CEP128: variants seen among roughly 807,000 people sequenced by gnomAD.
The protein encoded by CEP128 is centrosomal protein 128kDa.
A neutral mutation model predicts 156.7 loss-of-function variants in CEP128; 132 were observed. That is an observed-to-expected ratio of 0.84 (90% CI 0.73 to 0.97). CEP128 has a LOEUF of 0.97. Among genes scored for constraint, CEP128 ranks in the 50% least tolerant of loss-of-function variants. The pLI is 0.00. For missense variants in CEP128, 1,252 were observed against 1,281.9 expected (o/e 0.98, Z 0.36); for synonymous variants, 469 against 448.9 (o/e 1.04, Z -0.57).
At chr14:80,827,187 A>G (rs927585432) in intron 13 of CEP128, among the ~76,000 whole-genome samples, 3 of 152,244 alleles carry the variant, frequency 2.0e-5, no homozygotes, top group Non-Finnish European at 4.4e-5. Context: ...TCTTCCAGAA[A>G]TGGATGTGCT....
At chr14:80,736,270 A>AC (rs1555396667) in intron 19 of CEP128, among the ~76,000 whole-genome samples, 4,851 of 150,918 alleles carry the variant, frequency 0.032, 254 homozygotes, top group African/African-American at 0.11. Context: ...AAAAAAAAAA[A>AC]CACAGCAAAT....
intron 6 of CEP128, among the ~76,000 whole-genome samples, chr14:80,902,682 T>G (rs1223576051): frequency 6.6e-6 from 1 of 152,148 alleles, no homozygotes; most frequent in South Asian, 2.1e-4. Context: ...AAATCTTTAG[T>G]GAATAAAGTA....
rs551205496 is a variant in CEP128, at chr14:80,638,348, C to T, written c.2807-57925G>A. 2.6e-5 allele frequency among the ~76,000 whole-genome samples: 4 copies of T among 152,126 alleles called. No homozygotes were observed. In the South Asian group the frequency reaches 8.3e-4, roughly 32 times the overall value. ...ATTTTGCAATCTGGGACTTGTAAAC[C>T]CACTGGTATATTTTTCTTATTATCC... On this transcript the variant is annotated intron_variant, in intron 19 of 24. Coordinates refer to ENST00000555265, the MANE Select transcript of CEP128 (RefSeq NM_152446.5).
At chr14:80,848,709 T>G (rs1372883414) in intron 9 of CEP128, among the ~76,000 whole-genome samples, 1 of 145,284 alleles carries the variant, frequency 6.9e-6, no homozygotes, top group African/African-American at 2.5e-5. Context: ...AGAAAGAAAA[T>G]TAGGGTGAGA....
At chr14:80,582,038 T>C (rs1273289338) in intron 19 of CEP128, among the ~76,000 whole-genome samples, 2 of 152,210 alleles carry the variant, frequency 1.3e-5, no homozygotes, top group Non-Finnish European at 1.5e-5. Flanking sequence ...GTCACTGACA[T>C]CTGAATAGGC....
At chr14:80,790,586 T>C (rs562019828) in intron 14 of CEP128, among the ~76,000 whole-genome samples, 82 of 152,072 alleles carry the variant, frequency 5.4e-4, no homozygotes, top group Middle Eastern at 6.8e-3. Flanking sequence ...GTTTTTTTTT[T>C]CCCCTGCAGT....
chr14:80,948,189 A>G (rs1300308542), intron 2 of CEP128, among the ~76,000 whole-genome samples: 2 of 152,254 alleles, frequency 1.3e-5, no homozygotes, highest in Non-Finnish European at 2.9e-5. Context: ...GAAAACAATC[A>G]TAAATGGTTG....
Position 80,536,506 on chromosome 14 carries a change from T to TA in CEP128, c.2881-5621dup, listed in dbSNP as rs570265902. On this transcript the variant is annotated intron_variant, in intron 21 of 24. Coordinates refer to ENST00000555265, the MANE Select transcript of CEP128 (RefSeq NM_152446.5). ...TTATTTGGGTTCAAAAATGCAATTC[T>TA]ATTTCATTTGGAAACAGATCCACTG... 7.7e-3 allele frequency among the ~76,000 whole-genome samples: 1,171 copies of TA among 152,344 alleles called. 9 individuals carry two copies. The highest frequency in any genetic ancestry group is 0.011 in the Non-Finnish European group (778 of 68,032).
chr14:80,591,786 T>C (rs1197567631), intron 19 of CEP128, among the ~76,000 whole-genome samples: 2 of 151,920 alleles, frequency 1.3e-5, no homozygotes, highest in Non-Finnish European at 2.9e-5. Context: ...TGCAAAATAA[T>C]GGAAATCATA....
intron 19 of CEP128, among the ~76,000 whole-genome samples, chr14:80,597,660 G>T (rs1003486430): frequency 6.7e-6 from 1 of 150,156 alleles, no homozygotes; most frequent in Admixed American, 6.6e-5. Flanking sequence ...AAAAAAAACC[G>T]CAGCTTTCTC....
At chr14:80,489,800 T>C (rs1203854121), downstream of CEP128, among the ~76,000 whole-genome samples, 3 of 151,802 alleles carry the variant, frequency 2.0e-5, no homozygotes, top group East Asian at 3.9e-4. Context: ...AAAAAGACAA[T>C]TGTTTAGGAG....
At chr14:80,915,140 T>C (rs1171536135) in intron 3 of CEP128, among the ~76,000 whole-genome samples, 1 of 152,116 alleles carries the variant, frequency 6.6e-6, no homozygotes, top group Non-Finnish European at 1.5e-5. Flanking sequence ...CAGCCTCAGC[T>C]TCCTGGGCTC....
intron 19 of CEP128, among the ~76,000 whole-genome samples, chr14:80,646,839 C>T (rs1243395283): frequency 1.3e-5 from 2 of 151,252 alleles, no homozygotes; most frequent in Non-Finnish European, 2.9e-5. Context: ...TTATTCTCTA[C>T]TATGGCCAAT....
Position 80,743,223 on chromosome 14 carries a change from G to C in CEP128, c.2658C>G (p.Asn886Lys). The C allele has an allele frequency of 6.2e-7, 1 of 1,613,414 alleles. No homozygotes were observed. Among genetic ancestry groups the C allele is most frequent in the Non-Finnish European group, 8.5e-7 (1 of 1,179,746 alleles). Residue 886 changes from asparagine (N) to lysine (K), a missense_variant, in exon 19 of 25, where the codon AAC (asparagine) becomes AAG (lysine). Transcript: ENST00000555265. ...WLCEELKERENREKNLRHQLM... is the reference protein window; with the variant it reads ...WLCEELKEREKREKNLRHQLM... ...GCTGGTGTCGCAGATTTTTCTCTCTGTTTTCTCTCTCTTTCAGTTCCTCAC... is the reference window on the plus strand; with the variant it reads ...GCTGGTGTCGCAGATTTTTCTCTCTCTTTTCTCTCTCTTTCAGTTCCTCAC...
intron 19 of CEP128, among the ~76,000 whole-genome samples, chr14:80,658,427 A>T (rs1895266099): frequency 6.6e-6 from 1 of 152,174 alleles, no homozygotes; most frequent in South Asian, 2.1e-4. Flanking sequence ...AAATATATCA[A>T]AGCCAATTCT....
At chr14:80,684,352 T>C (rs1393227120) in intron 19 of CEP128, among the ~76,000 whole-genome samples, 1 of 151,916 alleles carries the variant, frequency 6.6e-6, no homozygotes, top group East Asian at 1.9e-4. Context: ...TAGAAGCAAA[T>C]GAATAAATTC....
intron 19 of CEP128, among the ~76,000 whole-genome samples, chr14:80,656,656 G>C (rs1895186477): frequency 6.6e-6 from 1 of 151,972 alleles, no homozygotes; most frequent in Non-Finnish European, 1.5e-5. Context: ...TGAGAAGTTT[G>C]TGAATAAGCA....
At chr14:80,862,149 T>C (rs1403087148) in intron 9 of CEP128, among the ~76,000 whole-genome samples, 2 of 152,212 alleles carry the variant, frequency 1.3e-5, no homozygotes, top group Admixed American at 6.5e-5. Flanking sequence ...TCAGGAGTTG[T>C]CAGACTTTTT....
At chr14:80,720,445 C>A (rs1235897966) in intron 19 of CEP128, among the ~76,000 whole-genome samples, 1 of 152,162 alleles carries the variant, frequency 6.6e-6, no homozygotes, top group Non-Finnish European at 1.5e-5. Flanking sequence ...TCATTCCCTG[C>A]ATTCCCAGCC....
Sources: gnomAD v4.1 joint callset for allele counts (sites outside exome capture counted in the v4.1 genomes callset) on GRCh38, gnomAD v4.1.1 for gene constraint, MANE v1.5 for transcripts, NCBI Gene and HGNC (gene_info 2026-07-23, HGNC 2026-07-21) for gene names.